Variants in SEMA6D observed in about 807,000 individuals in gnomAD.
The protein encoded by SEMA6D is semaphorin 6D, also known as semaphorin-6D.
Under a neutral mutation model 106.6 loss-of-function variants are expected in SEMA6D, and 35 were observed. That is an observed-to-expected ratio of 0.33 (90% CI 0.25 to 0.44). The LOEUF (loss-of-function observed/expected upper bound fraction) is 0.44, where lower values mean the gene tolerates loss of function less well. Ranked by LOEUF, SEMA6D falls within the 20% of genes least tolerant of loss-of-function variation. The pLI is 1.00. For synonymous variants in SEMA6D, 499 were observed against 487.7 expected, an observed-to-expected ratio of 1.02 and a Z score of -0.31; for missense variants, 1,185 against 1,345.9, an observed-to-expected ratio of 0.88 and a Z score of 1.87.
At chr15:47,649,676 AC>A (rs2077649191) in intron 4 of SEMA6D, among the ~76,000 whole-genome samples, 1 of 152,156 alleles carries the variant, frequency 6.6e-6, no homozygotes, top group Non-Finnish European at 1.5e-5. Flanking sequence ...GGAGAGAGAG[AC>A]GGAGAGGGAG....
intron 1 of SEMA6D, among the ~76,000 whole-genome samples, chr15:47,270,876 T>G (rs959366761): frequency 5.3e-5 from 8 of 151,508 alleles, no homozygotes; most frequent in Non-Finnish European, 5.9e-5. Context: ...GTGCCTGTAA[T>G]CCCAGCTACT....
chr15:47,215,660 TAATA>T (rs913176865), intron 1 of SEMA6D, among the ~76,000 whole-genome samples: 8 of 152,246 alleles, frequency 5.3e-5, no homozygotes, highest in South Asian at 4.1e-4. Context: ...TATATGTATA[TAATA>T]AATCAGTTTC....
chr15:47,763,185 C>A, intron 9 of SEMA6D, 81 bp downstream of exon 9: 1 of 1,080,374 alleles, frequency 9.3e-7, no homozygotes, highest in Non-Finnish European at 1.3e-6. Context: ...AGGATGCTCA[C>A]TTGGCATGTT....
intron 2 of SEMA6D, among the ~76,000 whole-genome samples, chr15:47,433,048 C>G (rs1001696618): frequency 2.0e-5 from 3 of 151,990 alleles, no homozygotes; most frequent in Non-Finnish European, 4.4e-5. Context: ...TTTCCTGAGG[C>G]TTTGTGGCAG....
At chr15:47,496,342 T>C (rs1319697043) in intron 3 of SEMA6D, among the ~76,000 whole-genome samples, 4 of 152,112 alleles carry the variant, frequency 2.6e-5, no homozygotes, top group Non-Finnish European at 5.9e-5. Flanking sequence ...TGAAAGTATT[T>C]ACCCTTGGTG....
chr15:47,290,791 A>G (rs1011749071), intron 1 of SEMA6D, among the ~76,000 whole-genome samples: 3 of 152,204 alleles, frequency 2.0e-5, no homozygotes, highest in Admixed American at 2.0e-4. Context: ...CAATACATAC[A>G]GCCAATATGT....
At chr15:47,579,108 T>C (rs999931180) in intron 3 of SEMA6D, among the ~76,000 whole-genome samples, 1 of 151,722 alleles carries the variant, frequency 6.6e-6, no homozygotes, top group Non-Finnish European at 1.5e-5. Flanking sequence ...AGTTACACTC[T>C]GTAGGCGTGA....
At chr15:47,292,041 A>G (rs953379312) in intron 1 of SEMA6D, among the ~76,000 whole-genome samples, 1 of 152,236 alleles carries the variant, frequency 6.6e-6, no homozygotes, top group African/African-American at 2.4e-5. Flanking sequence ...TCTTTTCTCC[A>G]ATGTAGGAAG....
chr15:47,759,904 C>A lies in SEMA6D; in HGVS notation c.106C>A (p.His36Asn), dbSNP rs200807382. The change falls in exon 2 of 19, where the codon CAC becomes AAC. Residue 36 changes from histidine (H) to asparagine (N), a missense_variant. Coordinates refer to ENST00000536845, the MANE Select transcript of SEMA6D (RefSeq NM_001358351.3). ...TGAACCCCTTAATACTGTCGACTAT[C>A]ACTGTAAGTCGTCTCAAGAACAGTC... The part of the protein sequence containing the change: ...DDEPLNTVDY[H>N]YSRQYPVFRG... 25 of 1,603,128 alleles carry A rather than the reference C, an allele frequency of 1.6e-5. No individual in the cohort carries two copies. Among genetic ancestry groups the A allele is most frequent in the Admixed American group, 1.7e-5 (1 of 59,958 alleles).
At chr15:47,313,632 A>G (rs1245055593) in intron 1 of SEMA6D, among the ~76,000 whole-genome samples, 1 of 152,132 alleles carries the variant, frequency 6.6e-6, no homozygotes, top group Admixed American at 6.5e-5. Flanking sequence ...TGACACCATC[A>G]TAGCTCATTG....
At chr15:47,445,959 C>T (rs2042015617) in intron 2 of SEMA6D, among the ~76,000 whole-genome samples, 1 of 152,154 alleles carries the variant, frequency 6.6e-6, no homozygotes, top group South Asian at 2.1e-4. Context: ...CCTAAAAGCA[C>T]TTTGGACTCA....
At chr15:47,427,113 A>G (rs1220500578) in intron 2 of SEMA6D, among the ~76,000 whole-genome samples, 2 of 152,194 alleles carry the variant, frequency 1.3e-5, no homozygotes, top group African/African-American at 4.8e-5. Flanking sequence ...CAGTGATAGC[A>G]TCATTTAATT....
chr15:47,582,604 G>A (rs562672754), intron 3 of SEMA6D, among the ~76,000 whole-genome samples: 6 of 152,254 alleles, frequency 3.9e-5, no homozygotes, highest in African/African-American at 1.4e-4. Context: ...ACAGCCCTGA[G>A]CTCACACATC....
chr15:47,523,731 C>T (rs1797243), intron 3 of SEMA6D, among the ~76,000 whole-genome samples: 1,685 of 152,282 alleles, frequency 0.011, 30 homozygotes, highest in African/African-American at 0.039. Context: ...CTAGTCACCC[C>T]TTCTGTGATG....
intron 1 of SEMA6D, among the ~76,000 whole-genome samples, chr15:47,756,129 TCTGA>T (rs1233707403): frequency 6.6e-6 from 1 of 152,186 alleles, no homozygotes; most frequent in Non-Finnish European, 1.5e-5. Flanking sequence ...ATCCTGGCTC[TCTGA>T]CTGTGTCACA....
At chr15:47,250,238 A>G (rs977224437) in intron 1 of SEMA6D, among the ~76,000 whole-genome samples, 6 of 152,198 alleles carry the variant, frequency 3.9e-5, no homozygotes, top group African/African-American at 1.4e-4. Flanking sequence ...GGAAATGGAT[A>G]CAAGTCACAG....
At chr15:47,474,172 G>A (rs2042937436) in intron 3 of SEMA6D, among the ~76,000 whole-genome samples, 1 of 152,164 alleles carries the variant, frequency 6.6e-6, no homozygotes, top group Non-Finnish European at 1.5e-5. Flanking sequence ...TTGTCGCCTT[G>A]CTTTTGGACT....
intron 1 of SEMA6D, among the ~76,000 whole-genome samples, chr15:47,379,428 A>G (rs958376628): frequency 2.6e-5 from 4 of 152,240 alleles, no homozygotes; most frequent in Admixed American, 1.3e-4. Context: ...AAGAAGCAGT[A>G]TTTGCCTTAG....
At chr15:47,587,435 A>C (rs1440249986) in intron 3 of SEMA6D, among the ~76,000 whole-genome samples, 3 of 152,202 alleles carry the variant, frequency 2.0e-5, no homozygotes, top group Non-Finnish European at 4.4e-5. Flanking sequence ...GAAGCCCTAA[A>C]TCTATACATA....
Sources: allele counts gnomAD v4.1 joint callset (sites outside exome capture counted in the v4.1 genomes callset), GRCh38; gene constraint gnomAD v4.1.1; transcripts MANE v1.5; gene names NCBI Gene and HGNC (gene_info 2026-07-23, HGNC 2026-07-21).